The following ADGRB3 variants were observed in gnomAD, a reference collection of about 807,000 sequenced individuals.
ADGRB3 encodes the protein adhesion G protein-coupled receptor B3, also known as brain-specific angiogenesis inhibitor 3.
A neutral mutation model predicts 193.4 loss-of-function variants in ADGRB3; 37 were observed. That is an observed-to-expected ratio of 0.19 (90% CI 0.15 to 0.25). The LOEUF (loss-of-function observed/expected upper bound fraction) is 0.25. Among genes scored for constraint, ADGRB3 ranks in the 10% least tolerant of loss-of-function variants. The pLI is 1.00. For synonymous variants in ADGRB3, 690 were observed against 644.2 expected (o/e 1.07, Z -1.08); for missense variants, 1,637 against 1,852.9 (o/e 0.88, Z 2.14).
intron 3 of ADGRB3, among the ~76,000 whole-genome samples, chr6:68,816,385 A>G (rs1318511912): frequency 6.6e-6 from 1 of 152,016 alleles, no homozygotes; most frequent in Non-Finnish European, 1.5e-5. Context: ...ATAACTAATT[A>G]TATAAAATTG....
At chr6:69,259,681 G>A (rs1367408463) in intron 20 of ADGRB3, among the ~76,000 whole-genome samples, 4 of 133,416 alleles carry the variant, frequency 3.0e-5, no homozygotes, top group Non-Finnish European at 6.2e-5. Flanking sequence ...GGGTGACAGA[G>A]CGAGACTCTG....
intron 11 of ADGRB3, among the ~76,000 whole-genome samples, chr6:69,012,473 C>T (rs1363105443): frequency 6.6e-6 from 1 of 152,026 alleles, no homozygotes; most frequent in African/African-American, 2.4e-5. Flanking sequence ...TTAATTCTTT[C>T]TGACCATAGG....
chr6:68,639,236 A>T lies in ADGRB3; in HGVS notation c.561A>T (p.Glu187Asp), dbSNP rs766666194. Reference protein sequence around the residue: ...SCLKSENGRTESCGIMYTKCT... With the variant: ...SCLKSENGRTDSCGIMYTKCT... Reference sequence around the variant, plus strand: ...TAAAATCAGAAAATGGGAGAACAGAATCATGTGGGATCATGTATACAAAAT... The same window carrying T: ...TAAAATCAGAAAATGGGAGAACAGATTCATGTGGGATCATGTATACAAAAT... Residue 187 changes from glutamate to aspartate, a missense_variant, in exon 3 of 32, where the codon GAA (glutamate) becomes GAT (aspartate). Physicochemically the swap from Glu to Asp is conservative, Grantham distance 45. Coordinates refer to ENST00000370598, the MANE Select transcript of ADGRB3 (RefSeq NM_001704.3). 1 of 1,614,180 alleles carries T rather than the reference A, an allele frequency of 6.2e-7. No homozygotes were observed. Among genetic ancestry groups the T allele is most frequent in the East Asian group, 2.2e-5 (1 of 44,868 alleles).
chr6:69,151,922 C>CA (rs1231263277), intron 17 of ADGRB3, among the ~76,000 whole-genome samples: 1 of 152,120 alleles, frequency 6.6e-6, no homozygotes, highest in African/African-American at 2.4e-5. Flanking sequence ...AGTGAGTTCT[C>CA]ACGAGATCTG....
intron 3 of ADGRB3, among the ~76,000 whole-genome samples, chr6:68,796,942 A>G (rs1562033688): frequency 6.6e-6 from 1 of 152,138 alleles, no homozygotes; most frequent in Non-Finnish European, 1.5e-5. Flanking sequence ...TGGTAAAGCT[A>G]TTTGAAAATG....
chr6:69,053,542 G>T (rs946069017), intron 15 of ADGRB3, among the ~76,000 whole-genome samples: 6 of 152,160 alleles, frequency 3.9e-5, no homozygotes, highest in African/African-American at 1.2e-4. Flanking sequence ...ACTGGGGCTG[G>T]CCTGGTGGCC....
chr6:68,683,163 T>C (rs746846745), intron 3 of ADGRB3, among the ~76,000 whole-genome samples: 6 of 152,172 alleles, frequency 3.9e-5, no homozygotes, highest in Non-Finnish European at 7.3e-5. Context: ...ATATACACAT[T>C]GCTGGAAACA....
intron 3 of ADGRB3, among the ~76,000 whole-genome samples, chr6:68,665,532 A>G (rs1768779182): frequency 1.3e-5 from 2 of 151,826 alleles, no homozygotes; most frequent in African/African-American, 4.8e-5. Flanking sequence ...AACAGTGCCT[A>G]TTGCACAGAG....
intron 3 of ADGRB3, among the ~76,000 whole-genome samples, chr6:68,648,022 C>A (rs1034766884): frequency 4.6e-5 from 7 of 152,110 alleles, no homozygotes; most frequent in Non-Finnish European, 1.5e-5. Context: ...AAAATATCAT[C>A]TATGAGACTC....
Position 69,033,742 on chromosome 6 carries a change from G to A in ADGRB3, c.2108-14443G>A, listed in dbSNP as rs114926510. 3.3e-3 allele frequency among the ~76,000 whole-genome samples: 502 copies of A among 152,082 alleles called. 2 individuals carry two copies. Among genetic ancestry groups the A allele is most frequent in the African/African-American group, 0.012 (480 of 41,506 alleles). Reference sequence around the variant, plus strand: ...CAGATATGCAGTTGTTTTAGATATCGTTAAAATTCATACTACAGGCTTAAG... The same window carrying A: ...CAGATATGCAGTTGTTTTAGATATCATTAAAATTCATACTACAGGCTTAAG... On this transcript the variant is annotated intron_variant, in intron 13 of 31. Coordinates refer to ENST00000370598, the MANE Select transcript of ADGRB3 (RefSeq NM_001704.3).
chr6:69,248,055 G>A (rs116915567), intron 20 of ADGRB3, among the ~76,000 whole-genome samples: 2,920 of 152,240 alleles, frequency 0.019, 48 homozygotes, highest in Non-Finnish European at 0.032. Flanking sequence ...GAGAATTTGA[G>A]AAATTGAGTG....
chr6:69,230,686 C>T (rs1273394580), intron 17 of ADGRB3, among the ~76,000 whole-genome samples: 1 of 152,130 alleles, frequency 6.6e-6, no homozygotes, highest in East Asian at 1.9e-4. Context: ...ATTTTATCAT[C>T]AGAATGATAT....
At chr6:69,058,065 C>A (rs192612545) in intron 15 of ADGRB3, among the ~76,000 whole-genome samples, 1 of 151,786 alleles carries the variant, frequency 6.6e-6, no homozygotes, top group Non-Finnish European at 1.5e-5. Context: ...ACTTCTGGTC[C>A]TCTAGACTTT....
intron 14 of ADGRB3, among the ~76,000 whole-genome samples, chr6:69,048,867 A>G (rs1771312184): frequency 6.6e-6 from 1 of 152,294 alleles, no homozygotes; most frequent in South Asian, 2.1e-4. Context: ...AATTTGAGAA[A>G]AAATTAAGTT....
intron 13 of ADGRB3, among the ~76,000 whole-genome samples, chr6:69,031,284 C>T (rs1032330522): frequency 6.6e-6 from 1 of 151,204 alleles, no homozygotes. Flanking sequence ...ACTAAAAATA[C>T]AAAAATTTAA....
intron 20 of ADGRB3, among the ~76,000 whole-genome samples, chr6:69,271,634 ATT>A (rs761308191): frequency 3.4e-4 from 51 of 152,150 alleles, no homozygotes; most frequent in Non-Finnish European, 6.8e-4. Flanking sequence ...TTTAAAACAT[ATT>A]GTCTAACTTG....
At chr6:69,163,910 C>G (rs569222470) in intron 17 of ADGRB3, among the ~76,000 whole-genome samples, 13 of 152,114 alleles carry the variant, frequency 8.5e-5, no homozygotes, top group African/African-American at 3.1e-4. Context: ...TTTTCAACCA[C>G]GACTTTCTTC....
At chr6:69,215,953 T>A (rs919396535) in intron 17 of ADGRB3, among the ~76,000 whole-genome samples, 3 of 152,206 alleles carry the variant, frequency 2.0e-5, no homozygotes, top group Non-Finnish European at 4.4e-5. Flanking sequence ...TCAAATCTCC[T>A]ATCTACCTTG....
intron 20 of ADGRB3, among the ~76,000 whole-genome samples, chr6:69,312,630 A>T (rs973482042): frequency 2.6e-5 from 4 of 151,832 alleles, no homozygotes; most frequent in South Asian, 2.1e-4. Context: ...TGAGGACAGG[A>T]TTAAATGATA....
Sources: gnomAD v4.1 joint callset for allele counts (sites outside exome capture counted in the v4.1 genomes callset) on GRCh38, gnomAD v4.1.1 for gene constraint, MANE v1.5 for transcripts, NCBI Gene and HGNC (gene_info 2026-07-23, HGNC 2026-07-21) for gene names.